The following LIPC variants were observed in gnomAD, a reference collection of about 807,000 sequenced individuals.
LIPC encodes hepatic triacylglycerol lipase.
Under a neutral mutation model 50.7 loss-of-function variants are expected in LIPC, and 44 were observed. That is an observed-to-expected ratio of 0.87 (90% confidence interval 0.68 to 1.11). LIPC has a LOEUF of 1.11. Among genes scored for constraint, LIPC ranks in the 50% most tolerant of loss-of-function variants. LIPC has a pLI of 0.00. For synonymous variants in LIPC, 271 were observed against 256.4 expected, an observed-to-expected ratio of 1.06 and a Z score of -0.54; for missense variants, 697 against 648.2, an observed-to-expected ratio of 1.08 and a Z score of -0.82.
intron 1 of LIPC, among the ~76,000 whole-genome samples, chr15:58,494,189 G>A (rs181795211): frequency 6.6e-6 from 1 of 152,238 alleles, no homozygotes; most frequent in South Asian, 2.1e-4. Flanking sequence ...CCCAGAGAGA[G>A]CAAGAGGCTC....
intron 5 of LIPC, 114 bp downstream of exon 5, chr15:58,546,089 G>T: frequency 1.1e-6 from 1 of 931,520 alleles, no homozygotes; most frequent in South Asian, 1.4e-5. Flanking sequence ...AAGGATAGGG[G>T]CCCAGGGTGT....
At chr15:58,453,629 G>T (rs143350644) in intron 1 of LIPC, among the ~76,000 whole-genome samples, 1 of 151,980 alleles carries the variant, frequency 6.6e-6, no homozygotes, top group South Asian at 2.1e-4. Context: ...ACATTGGCGC[G>T]GTGGCTTATG....
intron 1 of LIPC, among the ~76,000 whole-genome samples, chr15:58,496,944 C>A (rs573724297): frequency 4.3e-4 from 66 of 152,250 alleles, no homozygotes; most frequent in Admixed American, 7.8e-4. Flanking sequence ...CTCAGCCTCC[C>A]AAAGTGCTGG....
At chr15:58,526,676 A>G (rs552958554) in intron 1 of LIPC, among the ~76,000 whole-genome samples, 1 of 152,350 alleles carries the variant, frequency 6.6e-6, no homozygotes, top group African/African-American at 2.4e-5. Flanking sequence ...ACCTTGGTGG[A>G]TAAGTACCCA....
chr15:58,560,020 T>C (rs778658489), intron 6 of LIPC, among the ~76,000 whole-genome samples: 20 of 152,200 alleles, frequency 1.3e-4, no homozygotes, highest in Non-Finnish European at 2.5e-4. Flanking sequence ...ATGGGGGTGA[T>C]AATAACAATG....
At chr15:58,478,659 T>C (rs1891083500) in intron 1 of LIPC, among the ~76,000 whole-genome samples, 1 of 152,188 alleles carries the variant, frequency 6.6e-6, no homozygotes, top group South Asian at 2.1e-4. Context: ...CCCAAGGTCA[T>C]ATAGTTGATA....
chr15:58,513,434 T>C (rs1349122456), intron 1 of LIPC, among the ~76,000 whole-genome samples: 1 of 152,152 alleles, frequency 6.6e-6, no homozygotes, highest in African/African-American at 2.4e-5. Context: ...ATCCAAATAT[T>C]CTCAACAATC....
chr15:58,480,251 G>A (rs1180297054), intron 1 of LIPC, among the ~76,000 whole-genome samples: 1 of 152,108 alleles, frequency 6.6e-6, no homozygotes, highest in Non-Finnish European at 1.5e-5. Flanking sequence ...AAACTCCTAA[G>A]ACATGTGTTG....
chr15:58,540,670 C>A (rs1036778322), intron 2 of LIPC, among the ~76,000 whole-genome samples: 5 of 152,204 alleles, frequency 3.3e-5, no homozygotes, highest in Admixed American at 6.5e-5. Flanking sequence ...ACCTCACCAA[C>A]TTTCCTCCTC....
intron 7 of LIPC, 81 bp from the exon 8 acceptor site, chr15:58,563,424 C>G: frequency 8.5e-7 from 1 of 1,182,078 alleles, no homozygotes; most frequent in African/African-American, 1.5e-5. Context: ...CAGGGAAACA[C>G]AACACATCCT....
In LIPC at chr15:58,542,112, G is replaced by A. The variant is rs1893351545; in HGVS notation, c.456+145G>A. On this transcript the variant is annotated intron_variant, in intron 3 of 8. Transcript: ENST00000299022. Reference sequence around the variant, plus strand: ...CACAGGAATGAGAAGGCACAGGACTGACACCAGACCCCAGGGCTCTCTCAG... The same window carrying A: ...CACAGGAATGAGAAGGCACAGGACTAACACCAGACCCCAGGGCTCTCTCAG... The A allele has an allele frequency of 7.0e-6, 7 of 996,706 alleles. No individual in the cohort carries two copies. In the South Asian group the frequency reaches 8.5e-5, roughly 12 times the overall value. The allele number at this position is 996,706 out of a possible 1,614,324, so 61.7% of individuals were successfully genotyped here.
intron 1 of LIPC, among the ~76,000 whole-genome samples, chr15:58,536,309 G>A (rs1893118557): frequency 6.6e-6 from 1 of 152,124 alleles, no homozygotes; most frequent in African/African-American, 2.4e-5. Context: ...AGAGGAGGAG[G>A]TGGGGGATGA....
intron 5 of LIPC, among the ~76,000 whole-genome samples, chr15:58,547,300 T>C (rs1474747534): frequency 6.6e-6 from 1 of 152,108 alleles, no homozygotes; most frequent in Non-Finnish European, 1.5e-5. Flanking sequence ...CCTGGGTGGA[T>C]GAGCTTGGGT....
At chr15:58,552,148 A>C (rs1893784740) in intron 6 of LIPC, among the ~76,000 whole-genome samples, 1 of 152,228 alleles carries the variant, frequency 6.6e-6, no homozygotes, top group South Asian at 2.1e-4. Flanking sequence ...CAGAGCAGTC[A>C]GATGAGGTAA....
intron 8 of LIPC, among the ~76,000 whole-genome samples, chr15:58,567,328 T>TATAC (rs1566955176): frequency 3.0e-5 from 1 of 33,056 alleles, no homozygotes; most frequent in Non-Finnish European, 6.4e-5. Context: ...TATGTGTATA[T>TATAC]ATATATATAT....
At chr15:58,466,960 C>T (rs1894589039) in intron 1 of LIPC, among the ~76,000 whole-genome samples, 1 of 152,174 alleles carries the variant, frequency 6.6e-6, no homozygotes, top group Non-Finnish European at 1.5e-5. Flanking sequence ...ACTTTTCAGA[C>T]ACCCATTGTC....
chr15:58,502,527 G>A (rs1020603198), intron 1 of LIPC, among the ~76,000 whole-genome samples: 1 of 117,508 alleles, frequency 8.5e-6, no homozygotes, highest in African/African-American at 3.2e-5. Context: ...TTTTTTGTTT[G>A]TTTTTATGAA....
chr15:58,562,235 T>C (rs1165615554), intron 7 of LIPC, among the ~76,000 whole-genome samples: 1 of 152,096 alleles, frequency 6.6e-6, no homozygotes, highest in African/African-American at 2.4e-5. Context: ...CCTCAGCCTC[T>C]CCAGCTCCCA....
chr15:58,562,702 G>A (rs1385314190), intron 7 of LIPC, among the ~76,000 whole-genome samples: 1 of 152,140 alleles, frequency 6.6e-6, no homozygotes, highest in African/African-American at 2.4e-5. Context: ...TAAGGATACA[G>A]AGGACCCTAG....
Sources: gnomAD v4.1 joint callset for allele counts (sites outside exome capture counted in the v4.1 genomes callset) on GRCh38, gnomAD v4.1.1 for gene constraint, MANE v1.5 for transcripts, NCBI Gene and HGNC (gene_info 2026-07-23, HGNC 2026-07-21) for gene names.